The following DAPK1 variants were observed in gnomAD, a reference collection of about 807,000 sequenced individuals.
DAPK1 encodes death-associated protein kinase 1.
A neutral mutation model predicts 144.9 loss-of-function variants in DAPK1; 56 were observed. The ratio of observed to expected loss-of-function variants is 0.39; its 90% confidence interval spans 0.31 to 0.48. DAPK1 has a LOEUF of 0.48. Among genes scored for constraint, DAPK1 ranks in the 20% least tolerant of loss-of-function variants. DAPK1 has a pLI of 0.95. For synonymous variants in DAPK1, 690 were observed against 749.0 expected, an observed-to-expected ratio of 0.92 and a Z score of 1.29; for missense variants, 1,454 against 1,875.4, an observed-to-expected ratio of 0.78 and a Z score of 4.15.
chr9:87,691,349 T>C (rs1825047592), intron 21 of DAPK1, among the ~76,000 whole-genome samples: 1 of 152,044 alleles, frequency 6.6e-6, no homozygotes, highest in African/African-American at 2.4e-5. Flanking sequence ...TTACTTTTCA[T>C]TTCTCATTTT....
At chr9:87,527,811 A>G (rs149288130) in intron 2 of DAPK1, among the ~76,000 whole-genome samples, 29 of 152,228 alleles carry the variant, frequency 1.9e-4, no homozygotes, top group African/African-American at 6.5e-4. Flanking sequence ...AGTGACATTT[A>G]AAATACTTCT....
intron 2 of DAPK1, among the ~76,000 whole-genome samples, chr9:87,514,047 T>C (rs1209561905): frequency 6.6e-6 from 1 of 152,108 alleles, no homozygotes; most frequent in Non-Finnish European, 1.5e-5. Flanking sequence ...CTCCAGACAT[T>C]GCTAAATGTG....
At chr9:87,702,975 T>C in intron 24 of DAPK1, 54 bp from the exon 25 acceptor site, 2 of 844,874 alleles carry the variant, frequency 2.4e-6, no homozygotes, top group Non-Finnish European at 4.1e-6. Flanking sequence ...GTGGCTCTGC[T>C]CAGGGCACCC....
At chr9:87,520,006 T>C (rs1443232610) in intron 2 of DAPK1, among the ~76,000 whole-genome samples, 3 of 151,650 alleles carry the variant, frequency 2.0e-5, no homozygotes, top group Non-Finnish European at 4.4e-5. Context: ...TTGTTGTTAA[T>C]AAAGATAAGG....
intron 2 of DAPK1, among the ~76,000 whole-genome samples, chr9:87,532,256 G>T (rs1449399633): frequency 6.6e-6 from 1 of 152,164 alleles, no homozygotes; most frequent in African/African-American, 2.4e-5. Context: ...GATTGGAAAA[G>T]ATTTTTAAAA....
rs748415475 is a variant in DAPK1 at position 87,686,699 on chromosome 9, G to C, written c.2373G>C (p.Gln791His). Residue 791 changes from glutamine to histidine, a missense_variant, in exon 21 of 26, where the codon CAG (glutamine) becomes CAC (histidine). By Grantham distance (24) the Gln-to-His change is conservative. Coordinates refer to ENST00000408954, the MANE Select transcript of DAPK1 (RefSeq NM_004938.4). This position sits in a 1 kb window ranked among gnomAD's most constrained non-coding sequence, Gnocchi z 4.2. ...THHPHCSADDQSTKAIDIQNA... is the reference protein window; with the variant it reads ...THHPHCSADDHSTKAIDIQNA... Reference sequence around the variant, plus strand: ...ACCCGCACTGCTCGGCCGATGACCAGTCCACCAAGGCCATCGACATCCAGA... The same window carrying C: ...ACCCGCACTGCTCGGCCGATGACCACTCCACCAAGGCCATCGACATCCAGA... The C allele has an allele frequency of 6.2e-7, 1 of 1,613,386 alleles. No individual in the cohort carries two copies. The highest frequency in any genetic ancestry group is 8.5e-7 in the Non-Finnish European group (1 of 1,179,412).
chr9:87,624,431 C>T (rs1829418635), intron 3 of DAPK1, among the ~76,000 whole-genome samples: 1 of 152,218 alleles, frequency 6.6e-6, no homozygotes, highest in Non-Finnish European at 1.5e-5. Context: ...TCTCTTAAAA[C>T]CTGGATCTGG....
intron 2 of DAPK1, among the ~76,000 whole-genome samples, chr9:87,556,777 T>C (rs1239204092): frequency 1.3e-5 from 2 of 152,220 alleles, no homozygotes; most frequent in Non-Finnish European, 2.9e-5. Context: ...GGAGAAGGAA[T>C]GCTCTCCTCA....
chr9:87,582,272 T>C (rs140072280), intron 2 of DAPK1, among the ~76,000 whole-genome samples: 40 of 152,100 alleles, frequency 2.6e-4, no homozygotes, highest in African/African-American at 8.4e-4. Context: ...GGAGGTGAAA[T>C]GAATTATTAT....
At position 87,524,527 on chromosome 9, in the gene DAPK1, A is replaced by G. The variant is rs548567585; in HGVS notation, c.62+25388A>G. Among the ~76,000 whole-genome samples, 73 of 152,156 alleles carry G rather than the reference A, an allele frequency of 4.8e-4. 1 individual carries two copies. The South Asian group carries it at 0.015, about 31-fold the overall frequency. On this transcript the variant is annotated intron_variant, in intron 2 of 25. Transcript: ENST00000408954. ...CCGGGGTGGGTTTCTTGCCAGAACCACCTCCTCGCAGAATCCCAGGAGACA... is the reference window on the plus strand; with the variant it reads ...CCGGGGTGGGTTTCTTGCCAGAACCGCCTCCTCGCAGAATCCCAGGAGACA...
In DAPK1 at chr9:87,558,381, GAATA is replaced by G. The variant is rs147303571; in HGVS notation, c.63-46566_63-46563del. 4.6e-3 allele frequency among the ~76,000 whole-genome samples: 701 copies of G among 152,296 alleles called. 12 individuals carry two copies. The highest frequency in any genetic ancestry group is 0.016 in the African/African-American group (665 of 41,558). On this transcript the variant is annotated intron_variant, in intron 2 of 25. Coordinates refer to ENST00000408954, the MANE Select transcript of DAPK1 (RefSeq NM_004938.4). ...GATATACCCACAGATCAACGGGACA[GAATA>G]AATAAAGCAAGATGAAAAAGAATGA...
intron 18 of DAPK1, among the ~76,000 whole-genome samples, chr9:87,660,698 T>A (rs989103543): frequency 1.3e-5 from 2 of 152,104 alleles, no homozygotes; most frequent in East Asian, 3.9e-4. Flanking sequence ...TGTGTACACA[T>A]CATTTAGTGC....
chr9:87,707,867 A>T lies in DAPK1; in HGVS notation c.*503A>T, dbSNP rs1374495241. 4.4e-6 allele frequency: 2 copies of T among 456,760 alleles called. No homozygotes were observed. The highest frequency in any genetic ancestry group is 3.1e-5 in the South Asian group (2 of 64,536). The allele number at this position is 456,760 out of a possible 1,614,324, so 28.3% of individuals were successfully genotyped here. On this transcript the variant is annotated 3_prime_UTR_variant, in exon 26 of 26. Transcript: ENST00000408954. The surrounding 1 kb of genome is among the most constrained non-coding windows in gnomAD (Gnocchi z 4.0). ...ACTCCCATGTATGGAATCCCACTGT[A>T]TGATTTATAAACAGACAATATGTGA...
chr9:87,570,952 A>T (rs914243743), intron 2 of DAPK1, among the ~76,000 whole-genome samples: 1 of 152,046 alleles, frequency 6.6e-6, no homozygotes, highest in Admixed American at 6.6e-5. Context: ...GTAAGTAAAC[A>T]CCCCCAGGAT....
intron 3 of DAPK1, among the ~76,000 whole-genome samples, chr9:87,637,314 G>A (rs546648032): frequency 2.6e-5 from 4 of 151,950 alleles, no homozygotes; most frequent in East Asian, 1.9e-4. Flanking sequence ...GGATGGTCTC[G>A]ATCTCTTGAC....
At chr9:87,618,261 A>T (rs1480380346) in intron 3 of DAPK1, among the ~76,000 whole-genome samples, 2 of 152,214 alleles carry the variant, frequency 1.3e-5, no homozygotes, top group Non-Finnish European at 2.9e-5. Context: ...GGATGGCTCT[A>T]ATCAAAAAGA....
At chr9:87,644,977 A>G (rs182621845) in intron 11 of DAPK1, among the ~76,000 whole-genome samples, 10 of 152,312 alleles carry the variant, frequency 6.6e-5, no homozygotes, top group South Asian at 2.1e-4. Flanking sequence ...ATTTTATACA[A>G]ATATTACTAA....
chr9:87,612,798 G>T (rs969562471), intron 3 of DAPK1, among the ~76,000 whole-genome samples: 1 of 152,156 alleles, frequency 6.6e-6, no homozygotes, highest in Admixed American at 6.5e-5. Flanking sequence ...GAGCGGGGGT[G>T]GGGGTTTGGA....
intron 2 of DAPK1, chr9:87,554,017 C>T (rs1447190333): frequency 6.6e-6 from 1 of 152,204 alleles, no homozygotes; most frequent in South Asian, 2.1e-4. Flanking sequence ...TTGGGGGACC[C>T]CCTTGGAGAG....
Sources: allele counts gnomAD v4.1 joint callset (sites outside exome capture counted in the v4.1 genomes callset), GRCh38; gene constraint gnomAD v4.1.1; non-coding constraint Gnocchi (gnomAD v3.1); transcripts MANE v1.5; gene names NCBI Gene and HGNC (gene_info 2026-07-23, HGNC 2026-07-21).